AAGAB: variants seen among roughly 807,000 people sequenced by gnomAD.
AAGAB encodes the protein alpha and gamma adaptin binding protein, also known as alpha- and gamma-adaptin-binding protein p34.
A neutral mutation model predicts 44.1 loss-of-function variants in AAGAB; 38 were observed. That is an observed-to-expected ratio of 0.86 (90% CI 0.67 to 1.13). The LOEUF (loss-of-function observed/expected upper bound fraction) is 1.13. AAGAB is among the 50% of genes most tolerant of loss of function. AAGAB has a pLI of 0.00. For synonymous variants in AAGAB, 131 were observed against 131.8 expected, an observed-to-expected ratio of 0.99 and a Z score of 0.04; for missense variants, 450 against 373.8, an observed-to-expected ratio of 1.20 and a Z score of -1.68.
At chr15:67,237,995 T>C (rs1442001128) in intron 1 of AAGAB, among the ~76,000 whole-genome samples, 1 of 152,212 alleles carries the variant, frequency 6.6e-6, no homozygotes, top group Non-Finnish European at 1.5e-5. Context: ...AGGCATTATG[T>C]ATAAAGTGTG....
chr15:67,208,603 C>T lies in AAGAB; in HGVS notation c.674G>A (p.Gly225Asp), dbSNP rs201133630. 263 of 1,614,016 alleles carry T rather than the reference C, an allele frequency of 1.6e-4. No homozygotes were observed. The highest frequency in any genetic ancestry group is 2.0e-4 in the Non-Finnish European group (236 of 1,180,032). The stretch of plus-strand genomic sequence containing the variant: ...CTGGGCATCTGTTGTGTTAGATGCA[C>T]CACCCCGATGATCAGAGAGGGATTC... ...STESLSDHRGGASNTTDAQVD... is the reference protein window; with the variant it reads ...STESLSDHRGDASNTTDAQVD... The change falls in exon 7 of 10, where the codon GGT (glycine) becomes GAT (aspartate). Residue 225 changes from glycine to aspartate, a missense_variant. Gly to Asp is a moderately conservative substitution (Grantham distance 94). Coordinates refer to ENST00000261880, the MANE Select transcript of AAGAB (RefSeq NM_024666.5).
chr15:67,229,869 A>G (rs894023009), intron 5 of AAGAB, among the ~76,000 whole-genome samples: 4 of 152,060 alleles, frequency 2.6e-5, no homozygotes, highest in African/African-American at 9.7e-5. Context: ...TTTGTTTGAA[A>G]TGGAGTCTTG....
At position 67,247,176 on chromosome 15, in the gene AAGAB, C is replaced by A. The variant is rs191173279; in HGVS notation, c.73+7383G>T. 1.1e-4 allele frequency among the ~76,000 whole-genome samples: 16 copies of A among 152,234 alleles called. No homozygotes were observed. In the East Asian group the frequency reaches 2.7e-3, roughly 26 times the overall value. Reference sequence around the variant, plus strand: ...AGCTTCACTCCTGAAGTCAGCGAGACCACGAACCCACCAGAAGGAAGAAAC... The same window carrying A: ...AGCTTCACTCCTGAAGTCAGCGAGAACACGAACCCACCAGAAGGAAGAAAC... On this transcript the variant is annotated intron_variant, in intron 1 of 9. Coordinates refer to ENST00000261880, the MANE Select transcript of AAGAB (RefSeq NM_024666.5).
intron 1 of AAGAB, among the ~76,000 whole-genome samples, chr15:67,253,061 A>G (rs576883831): frequency 6.6e-6 from 1 of 152,312 alleles, no homozygotes; most frequent in East Asian, 1.9e-4. Context: ...TGATTTATCA[A>G]ATGTTTACTA....
chr15:67,202,775 C>T lies in AAGAB; in HGVS notation c.*46G>A, dbSNP rs1963595745. ...GACTGGGCTGAGTAGAGAGGTATCT[C>T]AGAGACAGCTAGCATCTTTGTTGGT... On this transcript the variant is annotated 3_prime_UTR_variant, in exon 10 of 10. Coordinates refer to ENST00000261880, the MANE Select transcript of AAGAB (RefSeq NM_024666.5). 1 of 1,592,458 alleles carries T rather than the reference C, an allele frequency of 6.3e-7. No individual in the cohort carries two copies. The highest frequency in any genetic ancestry group is 1.7e-5 in the Admixed American group (1 of 59,962).
intron 7 of AAGAB, among the ~76,000 whole-genome samples, chr15:67,205,235 C>T (rs772452361): frequency 2.9e-4 from 44 of 152,284 alleles, no homozygotes; most frequent in Non-Finnish European, 5.4e-4. Context: ...AGACTAAGCT[C>T]CATGAAGATA....
chr15:67,239,701 A>G (rs1031612631), intron 1 of AAGAB, among the ~76,000 whole-genome samples: 4 of 152,214 alleles, frequency 2.6e-5, no homozygotes, highest in Non-Finnish European at 5.9e-5. Context: ...AGAGAATAGT[A>G]AAGACTGTCT....
chr15:67,207,122 G>A (rs760558844), intron 7 of AAGAB, among the ~76,000 whole-genome samples: 1 of 152,190 alleles, frequency 6.6e-6, no homozygotes, highest in Non-Finnish European at 1.5e-5. Flanking sequence ...CCCAGGAAGC[G>A]AGATTGCGGT....
At chr15:67,255,027 C>CG (rs1161635189), upstream of AAGAB, 2 of 1,382,634 alleles carry the variant, frequency 1.4e-6, no homozygotes, top group Non-Finnish European at 2.0e-6. Flanking sequence ...GATTCACCGA[C>CG]GCTCACCCAT....
chr15:67,253,147 C>T (rs528602142), intron 1 of AAGAB, among the ~76,000 whole-genome samples: 1 of 151,260 alleles, frequency 6.6e-6, no homozygotes, highest in Non-Finnish European at 1.5e-5. Context: ...AGGGGCCGGG[C>T]GCGGTGGTGA....
intron 1 of AAGAB, among the ~76,000 whole-genome samples, chr15:67,241,778 T>C (rs1317598167): frequency 6.6e-6 from 1 of 152,208 alleles, no homozygotes; most frequent in Non-Finnish European, 1.5e-5. Flanking sequence ...TCTCACTTTT[T>C]TTCACATTTG....
At chr15:67,238,276 G>T (rs953394258) in intron 1 of AAGAB, among the ~76,000 whole-genome samples, 1 of 152,110 alleles carries the variant, frequency 6.6e-6, no homozygotes, top group African/African-American at 2.4e-5. Context: ...ATCTCTTTAA[G>T]AAATCAGCAG....
chr15:67,240,589 A>C (rs535077509), intron 1 of AAGAB, among the ~76,000 whole-genome samples: 2 of 152,362 alleles, frequency 1.3e-5, no homozygotes, highest in East Asian at 3.9e-4. Context: ...CAGTTCTAGT[A>C]GCAAACATAA....
chr15:67,222,242 GCA>G (rs370826027), intron 5 of AAGAB, among the ~76,000 whole-genome samples: 4,099 of 90,032 alleles, frequency 0.046, 84 homozygotes, highest in South Asian at 0.091. Flanking sequence ...GCGCGCGCGC[GCA>G]CACACACACA....
At chr15:67,207,544 T>C (rs1228571411) in intron 7 of AAGAB, among the ~76,000 whole-genome samples, 1 of 152,270 alleles carries the variant, frequency 6.6e-6, no homozygotes, top group Non-Finnish European at 1.5e-5. Context: ...TATGTCAGTA[T>C]ATGTGTGGTG....
chr15:67,218,009 T>C (rs1283454395), intron 5 of AAGAB, among the ~76,000 whole-genome samples: 1 of 152,210 alleles, frequency 6.6e-6, no homozygotes. Flanking sequence ...CAGAAAGAAT[T>C]ATTGTTTCTA....
chr15:67,238,016 T>A (rs1014750948), intron 1 of AAGAB, among the ~76,000 whole-genome samples: 1 of 152,210 alleles, frequency 6.6e-6, no homozygotes, highest in Non-Finnish European at 1.5e-5. Flanking sequence ...TGTGTATGAA[T>A]ATATACATGC....
intron 5 of AAGAB, among the ~76,000 whole-genome samples, chr15:67,218,581 A>C (rs1345218279): frequency 6.6e-6 from 1 of 152,206 alleles, no homozygotes; most frequent in African/African-American, 2.4e-5. Context: ...TGCCTAGATC[A>C]TCTAGGCTTG....
At chr15:67,242,202 T>A (rs913672030) in intron 1 of AAGAB, among the ~76,000 whole-genome samples, 2 of 94,658 alleles carry the variant, frequency 2.1e-5, no homozygotes, top group African/African-American at 3.0e-5. Context: ...GGCGGGTGGA[T>A]CATGAGGTCA....
Sources: gnomAD v4.1 joint callset for allele counts (sites outside exome capture counted in the v4.1 genomes callset) on GRCh38, gnomAD v4.1.1 for gene constraint, MANE v1.5 for transcripts, NCBI Gene and HGNC (gene_info 2026-07-23, HGNC 2026-07-21) for gene names.